Variants in MACROD2 observed in about 807,000 individuals in gnomAD.
MACROD2 encodes mono-ADP ribosylhydrolase 2.
MACROD2 carries 36 observed loss-of-function variants against 70.4 expected under a neutral mutation model. The ratio of observed to expected loss-of-function variants is 0.51; its 90% CI spans 0.39 to 0.68. The LOEUF (loss-of-function observed/expected upper bound fraction) is 0.68. Among genes scored for constraint, MACROD2 ranks in the 30% least tolerant of loss-of-function variants. The pLI is 0.00. For synonymous variants in MACROD2, 172 were observed against 178.8 expected (o/e 0.96, Z 0.30); for missense variants, 496 against 538.4 (o/e 0.92, Z 0.78).
chr20:15,853,101 G>C (rs148239885), intron 8 of MACROD2, among the ~76,000 whole-genome samples: 1 of 152,080 alleles, frequency 6.6e-6, no homozygotes, highest in Non-Finnish European at 1.5e-5. Flanking sequence ...GCTATACCTC[G>C]TCTTAACCTG....
At chr20:15,910,393 CATGTGTGT>C (rs972925702) in intron 10 of MACROD2, among the ~76,000 whole-genome samples, 16 of 105,782 alleles carry the variant, frequency 1.5e-4, no homozygotes, top group Non-Finnish European at 1.6e-4. Context: ...AGTCAGAGGA[CATGTGTGT>C]GTGTGTGTGT....
intron 5 of MACROD2, among the ~76,000 whole-genome samples, chr20:15,085,440 G>A (rs569034637): frequency 4.5e-4 from 69 of 152,144 alleles, no homozygotes; most frequent in African/African-American, 1.6e-3. Flanking sequence ...AAGGACACAA[G>A]AAAATGAAGA....
chr20:14,076,634 T>C (rs1283008635), intron 2 of MACROD2, among the ~76,000 whole-genome samples: 1 of 152,124 alleles, frequency 6.6e-6, no homozygotes, highest in Non-Finnish European at 1.5e-5. Flanking sequence ...AGCTGAGATT[T>C]CACCACTGCA....
At chr20:14,845,816 G>A (rs1196737282) in intron 5 of MACROD2, among the ~76,000 whole-genome samples, 2 of 151,960 alleles carry the variant, frequency 1.3e-5, no homozygotes, top group South Asian at 4.2e-4. Flanking sequence ...AATGAGTCAC[G>A]ACCAGTCAGA....
At chr20:14,138,145 A>G (rs1011281046) in intron 3 of MACROD2, among the ~76,000 whole-genome samples, 1 of 152,234 alleles carries the variant, frequency 6.6e-6, no homozygotes, top group Non-Finnish European at 1.5e-5. Context: ...AACCTTATAC[A>G]TTGTTGTTGG....
chr20:15,449,614 G>C (rs1232971213), intron 7 of MACROD2, among the ~76,000 whole-genome samples: 1 of 151,740 alleles, frequency 6.6e-6, no homozygotes, highest in African/African-American at 2.4e-5. Flanking sequence ...TTATTTTCAT[G>C]GTTTCCAACT....
chr20:14,603,790 A>C (rs1015235294), intron 4 of MACROD2, among the ~76,000 whole-genome samples: 1 of 152,172 alleles, frequency 6.6e-6, no homozygotes, highest in Non-Finnish European at 1.5e-5. Context: ...ACTTTAAGTG[A>C]TTTAGACAAG....
intron 5 of MACROD2, among the ~76,000 whole-genome samples, chr20:15,036,596 G>A (rs1277661103): frequency 6.6e-6 from 1 of 151,990 alleles, no homozygotes; most frequent in Non-Finnish European, 1.5e-5. Context: ...GGGTACTTTA[G>A]GGTTTCCAAA....
At chr20:15,567,507 T>G (rs893446414) in intron 8 of MACROD2, among the ~76,000 whole-genome samples, 1 of 152,170 alleles carries the variant, frequency 6.6e-6, no homozygotes, top group Non-Finnish European at 1.5e-5. Flanking sequence ...TATAAACCAC[T>G]CCCTGGGAGT....
intron 6 of MACROD2, among the ~76,000 whole-genome samples, chr20:15,286,356 G>T (rs2077491185): frequency 6.6e-6 from 1 of 152,148 alleles, no homozygotes; most frequent in South Asian, 2.1e-4. Flanking sequence ...GAATAAGGAA[G>T]TACTTGGGAA....
At chr20:15,711,074 T>C (rs1449583144) in intron 8 of MACROD2, among the ~76,000 whole-genome samples, 1 of 152,244 alleles carries the variant, frequency 6.6e-6, no homozygotes, top group Non-Finnish European at 1.5e-5. Flanking sequence ...TTACCAGTGA[T>C]TTATGTTTCC....
At chr20:14,454,383 A>G (rs2084276706) in intron 3 of MACROD2, among the ~76,000 whole-genome samples, 1 of 150,470 alleles carries the variant, frequency 6.6e-6, no homozygotes, top group Non-Finnish European at 1.5e-5. Flanking sequence ...GTAAATTTTT[A>G]TGTAGCTAGA....
At chr20:15,432,667 G>T (rs2046377678) in intron 7 of MACROD2, among the ~76,000 whole-genome samples, 1 of 151,974 alleles carries the variant, frequency 6.6e-6, no homozygotes, top group African/African-American at 2.4e-5. Context: ...TGCAGAAATG[G>T]TTTTTATTAT....
chr20:14,139,512 A>G (rs2054842026), intron 3 of MACROD2, among the ~76,000 whole-genome samples: 1 of 152,168 alleles, frequency 6.6e-6, no homozygotes, highest in African/African-American at 2.4e-5. Flanking sequence ...ATTTCCCCAT[A>G]CTTATATATT....
chr20:14,915,097 A>G (rs1247171683), intron 5 of MACROD2, among the ~76,000 whole-genome samples: 1 of 152,206 alleles, frequency 6.6e-6, no homozygotes, highest in East Asian at 1.9e-4. Context: ...ATAACCATAA[A>G]GAAATGAGGC....
At chr20:14,714,147 A>C (rs1238235622) in intron 5 of MACROD2, among the ~76,000 whole-genome samples, 1 of 152,146 alleles carries the variant, frequency 6.6e-6, no homozygotes, top group Non-Finnish European at 1.5e-5. Flanking sequence ...GCATAGACTG[A>C]GCCTGTTGCC....
At chr20:14,272,776 C>G (rs1271755722) in intron 3 of MACROD2, among the ~76,000 whole-genome samples, 1 of 152,080 alleles carries the variant, frequency 6.6e-6, no homozygotes, top group Non-Finnish European at 1.5e-5. Flanking sequence ...CACACATAAG[C>G]TCAAAATAAA....
chr20:16,035,466 T>C (rs1447606485), intron 15 of MACROD2, among the ~76,000 whole-genome samples: 1 of 151,860 alleles, frequency 6.6e-6, no homozygotes, highest in Non-Finnish European at 1.5e-5. Flanking sequence ...CTCAAAGTTA[T>C]GTACACTCAC....
intron 8 of MACROD2, among the ~76,000 whole-genome samples, chr20:15,608,761 T>C (rs1367486478): frequency 1.3e-5 from 2 of 152,218 alleles, no homozygotes; most frequent in African/African-American, 4.8e-5. Flanking sequence ...CTTAGGCTTT[T>C]TGAAGTCCTG....
Sources: gnomAD v4.1 joint callset for allele counts (sites outside exome capture counted in the v4.1 genomes callset) on GRCh38, gnomAD v4.1.1 for gene constraint, MANE v1.5 for transcripts, NCBI Gene and HGNC (gene_info 2026-07-23, HGNC 2026-07-21) for gene names.